The following UBE4B variants were observed in gnomAD, a reference collection of about 807,000 sequenced individuals.
The protein encoded by UBE4B is ubiquitin conjugation factor E4 B.
Under a neutral mutation model 148.1 loss-of-function variants are expected in UBE4B, and 27 were observed. The observed-to-expected ratio is 0.18, with a 90% CI of 0.13 to 0.25. The LOEUF (loss-of-function observed/expected upper bound fraction) is 0.25. Ranked by LOEUF, UBE4B falls within the 10% of genes least tolerant of loss-of-function variation. The probability of loss-of-function intolerance (pLI) is 1.00; values close to 1 mark genes in which losing one functional copy is unlikely to be tolerated. For missense variants in UBE4B, 1,170 were observed against 1,662.4 expected (o/e 0.70, Z 5.15); for synonymous variants, 596 against 619.3 (o/e 0.96, Z 0.56).
intron 2 of UBE4B, among the ~76,000 whole-genome samples, chr1:10,085,955 A>T (rs1644758475): frequency 6.6e-6 from 1 of 151,784 alleles, no homozygotes; most frequent in Non-Finnish European, 1.5e-5. Context: ...ACGCCCAGCT[A>T]ATTTTTTTTA....
intron 2 of UBE4B, among the ~76,000 whole-genome samples, chr1:10,088,485 C>T (rs538180072): frequency 3.0e-4 from 45 of 151,910 alleles, no homozygotes; most frequent in African/African-American, 1.1e-3. Context: ...AAGAAATTCT[C>T]CTGCCTCAGC....
intron 9 of UBE4B, among the ~76,000 whole-genome samples, chr1:10,120,847 A>C (rs766535640): frequency 2.9e-4 from 44 of 152,092 alleles, no homozygotes; most frequent in Non-Finnish European, 5.7e-4. Flanking sequence ...AAAAATAATA[A>C]TAATACTAAA....
chr1:10,143,404 A>T (rs970002370), intron 17 of UBE4B, among the ~76,000 whole-genome samples: 5 of 152,104 alleles, frequency 3.3e-5, no homozygotes, highest in African/African-American at 1.2e-4. Context: ...CAGTCTAAAA[A>T]AAAAAGACAA....
chr1:10,157,778 A>AAAT (rs910624028), intron 21 of UBE4B, among the ~76,000 whole-genome samples: 13 of 151,884 alleles, frequency 8.6e-5, no homozygotes, highest in East Asian at 7.7e-4. Context: ...TCTGTCTCAA[A>AAAT]AATAATAATA....
At chr1:10,176,263 G>C (rs1239166040) in intron 25 of UBE4B, among the ~76,000 whole-genome samples, 1 of 152,218 alleles carries the variant, frequency 6.6e-6, no homozygotes, top group East Asian at 1.9e-4. Context: ...AGACATTTGG[G>C]TTGTCTCCAG....
At chr1:10,056,626 A>G (rs1644173896) in intron 1 of UBE4B, among the ~76,000 whole-genome samples, 1 of 152,232 alleles carries the variant, frequency 6.6e-6, no homozygotes, top group Admixed American at 6.5e-5. Context: ...AAGATAAGAA[A>G]TATTTTGTCA....
intron 7 of UBE4B, chr1:10,107,485 G>A: frequency 2.6e-6 from 3 of 1,163,570 alleles, no homozygotes; most frequent in Non-Finnish European, 3.3e-6. Context: ...AGGGTCAAAT[G>A]AGGTGGGCTC....
chr1:10,150,734 C>A (rs971728779), intron 20 of UBE4B, among the ~76,000 whole-genome samples: 1 of 151,322 alleles, frequency 6.6e-6, no homozygotes, highest in Non-Finnish European at 1.5e-5. Context: ...GTGGCAGGCA[C>A]CTGTAGTCCC....
At chr1:10,159,358 G>A (rs999384900) in intron 22 of UBE4B, among the ~76,000 whole-genome samples, 1 of 152,092 alleles carries the variant, frequency 6.6e-6, no homozygotes, top group Non-Finnish European at 1.5e-5. Context: ...CTGAACTCTT[G>A]AATTATTCTT....
intron 12 of UBE4B, among the ~76,000 whole-genome samples, chr1:10,129,906 G>A (rs1434732858): frequency 6.6e-6 from 1 of 152,050 alleles, no homozygotes; most frequent in Non-Finnish European, 1.5e-5. Context: ...ACCCGCCTCA[G>A]CCTCCCAAAG....
chr1:10,178,852 TTTGAG>T, intron 26 of UBE4B, 34 bp downstream of exon 26: 1 of 1,556,294 alleles, frequency 6.4e-7, no homozygotes, highest in Non-Finnish European at 8.7e-7. Context: ...GCTGATTTCT[TTTGAG>T]TTAACTGGAA....
intron 7 of UBE4B, among the ~76,000 whole-genome samples, chr1:10,116,098 G>C (rs1304772772): frequency 6.6e-6 from 1 of 152,112 alleles, no homozygotes; most frequent in Non-Finnish European, 1.5e-5. Flanking sequence ...TGTGTGTCCT[G>C]GGTTGAAGTA....
At chr1:10,050,441 A>C (rs1644012070) in intron 1 of UBE4B, among the ~76,000 whole-genome samples, 1 of 152,236 alleles carries the variant, frequency 6.6e-6, no homozygotes, top group Non-Finnish European at 1.5e-5. Flanking sequence ...AAAACCACTA[A>C]GGGTCTGCAG....
intron 17 of UBE4B, among the ~76,000 whole-genome samples, chr1:10,142,934 C>A (rs1232611753): frequency 6.6e-6 from 1 of 152,038 alleles, no homozygotes; most frequent in African/African-American, 2.4e-5. Context: ...ATGGTGAAAC[C>A]CTTTTCTACC....
chr1:10,038,795 G>T (rs932480302), intron 1 of UBE4B, among the ~76,000 whole-genome samples: 1 of 151,954 alleles, frequency 6.6e-6, no homozygotes, highest in African/African-American at 2.4e-5. Flanking sequence ...TGCCTGTCGC[G>T]TTAAAAATTT....
chr1:10,126,411 G>A (rs1313756615), intron 10 of UBE4B, among the ~76,000 whole-genome samples: 3 of 152,198 alleles, frequency 2.0e-5, no homozygotes, highest in Admixed American at 6.5e-5. Flanking sequence ...TAGATGCTTG[G>A]TAATCAAGAA....
At chr1:10,035,308 G>GT (rs1393752861) in intron 1 of UBE4B, among the ~76,000 whole-genome samples, 1 of 142,624 alleles carries the variant, frequency 7.0e-6, no homozygotes, top group African/African-American at 2.6e-5. Context: ...GTTTTATGTG[G>GT]TTTTTTAAAA....
At chr1:10,129,922 G>A (rs1645564748) in intron 12 of UBE4B, among the ~76,000 whole-genome samples, 1 of 152,048 alleles carries the variant, frequency 6.6e-6, no homozygotes, top group African/African-American at 2.4e-5. Flanking sequence ...CAAAGTGTTG[G>A]GTTACAGGCG....
chr1:10,100,502 T>G (rs1461264218), intron 3 of UBE4B, among the ~76,000 whole-genome samples: 1 of 152,160 alleles, frequency 6.6e-6, no homozygotes, highest in Non-Finnish European at 1.5e-5. Context: ...TGGTTGAATT[T>G]TATGTCATTT....
Sources: allele counts gnomAD v4.1 joint callset (sites outside exome capture counted in the v4.1 genomes callset), GRCh38; gene constraint gnomAD v4.1.1; transcripts MANE v1.5; gene names NCBI Gene and HGNC (gene_info 2026-07-23, HGNC 2026-07-21).